The following CEP350 variants were observed in gnomAD, a reference collection of about 807,000 sequenced individuals.
CEP350 encodes centrosome-associated protein 350.
A neutral mutation model predicts 331.8 loss-of-function variants in CEP350; 126 were observed. That is an observed-to-expected ratio of 0.38 (90% confidence interval 0.33 to 0.44). CEP350 has a LOEUF of 0.44. Ranked by LOEUF, CEP350 falls within the 20% of genes least tolerant of loss-of-function variation. The pLI is 1.00. For synonymous variants in CEP350, 1,200 were observed against 1,259.5 expected (o/e 0.95, Z 1.00); for missense variants, 3,406 against 3,634.6 (o/e 0.94, Z 1.62).
intron 21 of CEP350, among the ~76,000 whole-genome samples, chr1:180,048,166 G>A (rs995291032): frequency 2.0e-5 from 3 of 152,214 alleles, no homozygotes; most frequent in African/African-American, 7.2e-5. Context: ...TAGTAGAGCA[G>A]TTGGGGTGGA....
rs1465488069 is a variant in CEP350 at position 180,112,095 on chromosome 1, G to T, written c.*934G>T. On this transcript the variant is annotated 3_prime_UTR_variant, in exon 38 of 38. Transcript: ENST00000367607. The stretch of plus-strand genomic sequence containing the variant: ...TACTTGAATGATTTAGGAAATGAGT[G>T]TGTGCACCAAAGACAAAAAGATATT... 1 of 152,686 alleles carries T rather than the reference G, an allele frequency of 6.5e-6. No homozygotes were observed. Among genetic ancestry groups the T allele is most frequent in the African/African-American group, 2.4e-5 (1 of 41,464 alleles). The allele number at this position is 152,686 out of a possible 1,614,324, so 9.5% of individuals were successfully genotyped here. A position where few individuals can be genotyped will look rare whatever the true frequency, so the allele number is the denominator to read the frequency against.
chr1:180,004,222 A>ATTATATTGTTATTG (rs1186863358), intron 7 of CEP350, among the ~76,000 whole-genome samples: 1 of 152,158 alleles, frequency 6.6e-6, no homozygotes, highest in African/African-American at 2.4e-5. Context: ...AATATACCTC[A>ATTATATTGTTATTG]TAGGATAGTA....
intron 14 of CEP350, among the ~76,000 whole-genome samples, chr1:180,028,881 A>G (rs1376334063): frequency 6.6e-6 from 1 of 152,234 alleles, no homozygotes; most frequent in Non-Finnish European, 1.5e-5. Flanking sequence ...AAACATTATC[A>G]TCTAAAACAG....
intron 36 of CEP350, among the ~76,000 whole-genome samples, chr1:180,098,657 A>G (rs372534768): frequency 3.8e-4 from 58 of 152,230 alleles, no homozygotes; most frequent in African/African-American, 1.3e-3. Context: ...TTTTACTTTT[A>G]TATGTTGCGT....
At chr1:180,091,857 GA>G (rs1660218443) in intron 33 of CEP350, among the ~76,000 whole-genome samples, 1 of 151,392 alleles carries the variant, frequency 6.6e-6, no homozygotes, top group Admixed American at 6.6e-5. Flanking sequence ...AATTCAGTGA[GA>G]AAATAAAACT....
intron 37 of CEP350, among the ~76,000 whole-genome samples, chr1:180,102,308 G>C (rs752578894): frequency 2.0e-5 from 3 of 151,958 alleles, no homozygotes; most frequent in Non-Finnish European, 2.9e-5. Context: ...GCTAATTTTT[G>C]TATTTTTAGT....
intron 27 of CEP350, among the ~76,000 whole-genome samples, chr1:180,069,047 T>C (rs1213512561): frequency 6.6e-6 from 1 of 152,180 alleles, no homozygotes; most frequent in Non-Finnish European, 1.5e-5. Context: ...CTCAGCCTCC[T>C]GAGGGAGTTA....
At chr1:180,047,155 G>A (rs557903087) in intron 21 of CEP350, among the ~76,000 whole-genome samples, 6 of 152,268 alleles carry the variant, frequency 3.9e-5, no homozygotes, top group East Asian at 1.9e-4. Context: ...TCCATAGGTC[G>A]TTAGGCAGAC....
In CEP350 at chr1:180,104,657, G is replaced by A. The variant is rs6672705; in HGVS notation, c.9189+5672G>A. The stretch of plus-strand genomic sequence containing the variant: ...TCTCACCTCTCTTTCTCAGTCTCCC[G>A]CTCTTTAAAGTAGCAACCTCGTAGA... On this transcript the variant is annotated intron_variant, in intron 37 of 37. Transcript: ENST00000367607. Among the ~76,000 whole-genome samples the A allele has an allele frequency of 7.3e-3, 1,105 of 152,120 alleles. 13 individuals are homozygous for A. Among genetic ancestry groups the A allele is most frequent in the African/African-American group, 0.025 (1,035 of 41,490 alleles).
At chr1:179,989,924 C>T (rs1221993879) in intron 3 of CEP350, among the ~76,000 whole-genome samples, 1 of 152,046 alleles carries the variant, frequency 6.6e-6, no homozygotes, top group Non-Finnish European at 1.5e-5. Context: ...CATAGTGGCT[C>T]ACGCCTGTAA....
At chr1:180,102,228 C>T (rs373152153) in intron 37 of CEP350, among the ~76,000 whole-genome samples, 3 of 152,036 alleles carry the variant, frequency 2.0e-5, no homozygotes, top group African/African-American at 4.8e-5. Context: ...CTCCGCCTCC[C>T]GGGTTCAAGC....
At position 180,093,491 on chromosome 1, in the gene CEP350, T is replaced by A. The variant is rs1483817587; in HGVS notation, c.7386T>A (p.Thr2462=). Residue 2462 remains threonine, a synonymous_variant, in exon 34 of 38, where the codon ACT becomes ACA. Transcript: ENST00000367607. ...SDRLLELKSP[T]ELMKSKERSD... The stretch of plus-strand genomic sequence containing the variant: ...GGCTGTTGGAACTCAAGTCCCCTAC[T>A]GAGCTGATGAAAAGTAAGGAGCGCA... 1 of 1,611,486 alleles carries A rather than the reference T, an allele frequency of 6.2e-7. No homozygotes were observed. Among genetic ancestry groups the A allele is most frequent in the Admixed American group, 1.7e-5 (1 of 59,530 alleles).
chr1:180,044,906 AAG>A (rs1491167280), intron 21 of CEP350, among the ~76,000 whole-genome samples: 2 of 151,512 alleles, frequency 1.3e-5, no homozygotes, highest in African/African-American at 2.4e-5. Flanking sequence ...GAAAAAAAAA[AAG>A]AAACCCATTC....
intron 31 of CEP350, chr1:180,084,386 A>G (rs1341327853): frequency 2.8e-6 from 1 of 359,440 alleles, no homozygotes; most frequent in Non-Finnish European, 5.0e-6. Flanking sequence ...TATTTTTGAG[A>G]TGGAATCTCG....
rs1322155288 is a variant in CEP350, at chr1:180,114,835, A to C, written c.*3674A>C. 1 of 152,686 alleles carries C rather than the reference A, an allele frequency of 6.5e-6. No individual in the cohort carries two copies. Among genetic ancestry groups the C allele is most frequent in the Non-Finnish European group, 1.5e-5 (1 of 68,048 alleles). The allele number at this position is 152,686 out of a possible 1,614,324, so 9.5% of individuals were successfully genotyped here. A position where few individuals can be genotyped will look rare whatever the true frequency, so the allele number is the denominator to read the frequency against. ...AGATTTGTTAACTGAAATATACTTT[A>C]AGAAAGATAAAATCTGTAAATAAAC... On this transcript the variant is annotated 3_prime_UTR_variant, in exon 38 of 38. Coordinates refer to ENST00000367607, the MANE Select transcript of CEP350 (RefSeq NM_014810.5).
intron 27 of CEP350, among the ~76,000 whole-genome samples, chr1:180,072,975 GATCT>G (rs1658995138): frequency 6.6e-6 from 1 of 152,084 alleles, no homozygotes; most frequent in South Asian, 2.1e-4. Flanking sequence ...CACACGCACG[GATCT>G]ATTTATTATT....
chr1:180,003,590 G>GTAA (rs775747531), intron 7 of CEP350, among the ~76,000 whole-genome samples: 1 of 152,156 alleles, frequency 6.6e-6, no homozygotes, highest in South Asian at 2.1e-4. Flanking sequence ...GTTTACTTCT[G>GTAA]CTTAGGCCTC....
intron 13 of CEP350, 31 bp from the exon 14 acceptor site, chr1:180,024,388 T>C: frequency 1.3e-6 from 2 of 1,581,494 alleles, no homozygotes; most frequent in Non-Finnish European, 1.7e-6. Flanking sequence ...GACTTTTCTT[T>C]CTGGAACTAC....
At chr1:180,010,445 A>G (rs978242344) in intron 8 of CEP350, among the ~76,000 whole-genome samples, 1 of 136,206 alleles carries the variant, frequency 7.3e-6, no homozygotes, top group Non-Finnish European at 1.6e-5. Context: ...ACCCACTTAT[A>G]TTTCAGCAAG....
Sources: gnomAD v4.1 joint callset for allele counts (sites outside exome capture counted in the v4.1 genomes callset) on GRCh38, gnomAD v4.1.1 for gene constraint, MANE v1.5 for transcripts, NCBI Gene and HGNC (gene_info 2026-07-23, HGNC 2026-07-21) for gene names.